The following MUC4 variants were observed in gnomAD, a reference collection of about 807,000 sequenced individuals.
The protein encoded by MUC4 is mucin 4, cell surface associated.
Under a neutral mutation model 257.9 loss-of-function variants are expected in MUC4, and 202 were observed. The ratio of observed to expected loss-of-function variants is 0.78; its 90% CI spans 0.70 to 0.88. The LOEUF is 0.88. Among genes scored for constraint, MUC4 ranks in the 40% least tolerant of loss-of-function variants. The probability of loss-of-function intolerance (pLI) is 0.00; values close to 1 mark genes in which losing one functional copy is unlikely to be tolerated. For synonymous variants in MUC4, 2,351 were observed against 2,757.1 expected (o/e 0.85, Z 4.62); for missense variants, 5,976 against 6,513.7 (o/e 0.92, Z 2.84).
Position 195,747,012 on chromosome 3 carries a change from G to T in MUC4, c.*164C>A. Reference sequence around the variant, plus strand: ...CCTCCCCCTGTGCACCTGCGCCTATGGATAAGGTATAGTCTTGTCTTGATT... The same window carrying T: ...CCTCCCCCTGTGCACCTGCGCCTATTGATAAGGTATAGTCTTGTCTTGATT... On this transcript the variant is annotated 3_prime_UTR_variant, in exon 25 of 25. Transcript: ENST00000463781. The T allele has an allele frequency of 9.7e-7, 1 of 1,030,346 alleles. No homozygotes were observed. Among genetic ancestry groups the T allele is most frequent in the Non-Finnish European group, 1.4e-6 (1 of 706,280 alleles). 63.8% of individuals were successfully genotyped at this position (1,030,346 alleles called of 1,614,324 possible).
At chr3:195,756,355 C>T (rs1481642871) in intron 18 of MUC4, among the ~76,000 whole-genome samples, 2 of 152,238 alleles carry the variant, frequency 1.3e-5, no homozygotes, top group Non-Finnish European at 2.9e-5. Context: ...CCACCTTCCA[C>T]CCCACACCGC....
At chr3:195,806,153 T>A (rs1266247637) in intron 1 of MUC4, among the ~76,000 whole-genome samples, 6 of 152,126 alleles carry the variant, frequency 3.9e-5, no homozygotes, top group African/African-American at 1.4e-4. Context: ...AAATTCATAA[T>A]CTATTCCACA....
At position 195,790,626 on chromosome 3, in the gene MUC4, T is replaced by G; in HGVS notation, c.954A>C (p.Thr318=). The change falls in exon 2 of 25, where the codon ACA becomes ACC. Residue 318 remains threonine, a synonymous_variant. Coordinates refer to ENST00000463781, the MANE Select transcript of MUC4 (RefSeq NM_018406.7). Reference sequence around the variant, plus strand: ...TCTGGTGGTTCTTAGAAAAAGCTGTTGTGTCCTGAGTAGAAGTCCTTGAGA... The same window carrying G: ...TCTGGTGGTTCTTAGAAAAAGCTGTGGTGTCCTGAGTAGAAGTCCTTGAGA... ...ATFSRTSTQD[T]TAFSKNHQTQ... is the part of the protein sequence containing the mutation. 1 of 1,614,000 alleles carries G rather than the reference T, an allele frequency of 6.2e-7. No individual in the cohort carries two copies. Among genetic ancestry groups the G allele is most frequent in the Non-Finnish European group, 8.5e-7 (1 of 1,179,898 alleles).
rs372786923 is a variant in MUC4 at position 195,774,281 on chromosome 3, G to A, written c.12968C>T (p.Ala4323Val). ...GACGAACTCCAGGTCCCCGGCGCCT[G>A]CCCCATAGGGGAAGAGGGAAACTCC... is the stretch of plus-strand genomic sequence containing the variant. ...ERGVSLFPYG[A>V]GAGDLEFVRR... Residue 4323 changes from alanine (A) to valine (V), a missense_variant, in exon 4 of 25, where the codon GCA (alanine) becomes GTA (valine). Physicochemically the swap from Ala to Val is moderately conservative, Grantham distance 64. This residue lies in a region of MUC4 where 233 missense variants were observed against 171.2 expected (regional missense o/e 1.36). Transcript: ENST00000463781. 5 of 1,574,552 alleles carry A rather than the reference G, an allele frequency of 3.2e-6. No homozygotes were observed. The highest frequency in any genetic ancestry group is 3.4e-6 in the Non-Finnish European group (4 of 1,162,610).
In MUC4 at chr3:195,761,530, A is replaced by G. The variant is rs1021878534; in HGVS notation, c.14568T>C (p.Ile4856=). ...DDFRMPNGST[I]PPGSPEEMLF... ...GCATCTCCTCAGGGCTCCCTGGGGG[A>G]ATGGTGGAGCCATTGGGCATCCTGA... The change falls in exon 15 of 25, where the codon ATT becomes ATC. Residue 4856 remains isoleucine (I), a synonymous_variant. Transcript: ENST00000463781. 5.6e-6 allele frequency: 9 copies of G among 1,613,856 alleles called. No individual in the cohort carries two copies. The highest frequency in any genetic ancestry group is 4.5e-5 in the East Asian group (2 of 44,868).
chr3:195,800,890 GAAA>G (rs59625247), intron 1 of MUC4, among the ~76,000 whole-genome samples: 2 of 91,326 alleles, frequency 2.2e-5, no homozygotes. Flanking sequence ...CCCCTTCTCT[GAAA>G]AAAAAAAAAA....
chr3:195,787,921 G>T lies in MUC4; in HGVS notation c.3659C>A (p.Thr1220Asn). 1.0e-5 allele frequency: 10 copies of T among 956,752 alleles called. No individual in the cohort carries two copies. The highest frequency in any genetic ancestry group is 1.3e-5 in the Non-Finnish European group (9 of 689,740). The allele number at this position is 956,752 out of a possible 1,614,324, so 59.3% of individuals were successfully genotyped here. Residue 1220 changes from threonine to asparagine, a missense_variant, in exon 2 of 25, where the codon ACC (threonine) becomes AAC (asparagine). Around this residue, in one of 44 missense-constraint regions of MUC4, gnomAD observed 90 missense variants for 106.2 expected, o/e 0.85. Coordinates refer to ENST00000463781, the MANE Select transcript of MUC4 (RefSeq NM_018406.7). The stretch of plus-strand genomic sequence containing the variant: ...ATCTGTGGACACTGAGGAAGCGTCG[G>T]TGACAGGAAGAGGGGTGGCGTGTCC... ...STGHATPLPV[T>N]DASSVSTDHA...
Position 195,788,874 on chromosome 3 carries a change from G to T in MUC4, c.2706C>A (p.Ala902=), listed in dbSNP as rs367552105. 6.2e-7 allele frequency: 1 copy of T among 1,613,704 alleles called. No individual in the cohort carries two copies. The highest frequency in any genetic ancestry group is 1.3e-5 in the African/African-American group (1 of 74,876). Residue 902 remains alanine, a synonymous_variant, in exon 2 of 25, where the codon GCC becomes GCA. Coordinates refer to ENST00000463781, the MANE Select transcript of MUC4 (RefSeq NM_018406.7). ...TSPSASPQET[A]AISRMAQTQR... ...GAGTCTGGGCCATCCGGGAAATGGC[G>T]GCTGTCTCCTGAGGAGAGGCACTGG... is the stretch of plus-strand genomic sequence containing the variant.
chr3:195,759,788 G>A (rs1718393208), intron 16 of MUC4, among the ~76,000 whole-genome samples: 1 of 152,170 alleles, frequency 6.6e-6, no homozygotes. Flanking sequence ...GCATGGTGGC[G>A]GGTGCCTGTA....
chr3:195,767,915 G>GCCACCACCATCGCCACCA (rs71180959), intron 7 of MUC4, among the ~76,000 whole-genome samples: 1 of 110,954 alleles, frequency 9.0e-6, no homozygotes, highest in African/African-American at 3.7e-5. Flanking sequence ...CATCACCATC[G>GCCACCACCATCGCCACCA]CCACTGCCAC....
rs564229296 is a variant in MUC4, at chr3:195,752,871, G to A, written c.15508+180C>T. On this transcript the variant is annotated intron_variant, in intron 20 of 24. Coordinates refer to ENST00000463781, the MANE Select transcript of MUC4 (RefSeq NM_018406.7). ...GCCACACAGGCCCGTGGTCCTTGCC[G>A]TGACAGCTTGCCTCGCCAGCTCCCA... is the stretch of plus-strand genomic sequence containing the variant. Among the ~76,000 whole-genome samples, 391 of 152,258 alleles carry A rather than the reference G, an allele frequency of 2.6e-3. 2 individuals carry two copies. The highest frequency in any genetic ancestry group is 8.6e-3 in the African/African-American group (357 of 41,546).
intron 3 of MUC4, among the ~76,000 whole-genome samples, chr3:195,775,890 C>T (rs868474967): frequency 1.2e-3 from 76 of 63,866 alleles, no homozygotes; most frequent in Admixed American, 1.4e-3. Flanking sequence ...CCTTCCACAC[C>T]CATACCTTCC....
rs1454676440 is a variant in MUC4, at chr3:195,784,211, C to A, written c.7369G>T (p.Ala2457Ser). ...AGAGGGGTGGTGTCACCTGTGGATGCTGAGGAAGTGCTGGTGACAGGAAGA... is the reference window on the plus strand; with the variant it reads ...AGAGGGGTGGTGTCACCTGTGGATGATGAGGAAGTGCTGGTGACAGGAAGA... Reference protein sequence around the residue: ...TPLPVTSTSSASTGDTTPLPG... With the variant: ...TPLPVTSTSSSSTGDTTPLPG... The change falls in exon 2 of 25, where the codon GCA becomes TCA. Residue 2457 changes from alanine (A) to serine (S), a missense_variant. Transcript: ENST00000463781. The A allele has an allele frequency of 6.7e-7, 1 of 1,496,946 alleles. No individual in the cohort carries two copies. Among genetic ancestry groups the A allele is most frequent in the Non-Finnish European group, 9.0e-7 (1 of 1,111,466 alleles). 92.7% of individuals were successfully genotyped at this position (1,496,946 alleles called of 1,614,324 possible). A position where few individuals can be genotyped will look rare whatever the true frequency, so the allele number is the denominator to read the frequency against.
chr3:195,778,955 G>A lies in MUC4; in HGVS notation c.12625C>T (p.Leu4209Phe), dbSNP rs1431589968. Residue 4209 changes from leucine to phenylalanine, a missense_variant, in exon 2 of 25, where the codon CTT becomes TTT. Physicochemically the swap from Leu to Phe is conservative, Grantham distance 22 (BLOSUM62 0). Transcript: ENST00000463781. ...GCTGAGGAAGTGTCGGTGACAGGAA[G>A]AGGGGTGGCGTGACCTGTGGATGCT... is the stretch of plus-strand genomic sequence containing the variant. Reference protein sequence around the residue: ...SSASTGHATPLPVTDTSSAST... With the variant: ...SSASTGHATPFPVTDTSSAST... The A allele has an allele frequency of 1.5e-6, 2 of 1,361,550 alleles. No individual in the cohort carries two copies. The highest frequency in any genetic ancestry group is 2.3e-4 in the Middle Eastern group (1 of 4,436). The allele number at this position is 1,361,550 out of a possible 1,614,324, so 84.3% of individuals were successfully genotyped here. A position where few individuals can be genotyped will look rare whatever the true frequency, so the allele number is the denominator to read the frequency against.
intron 23 of MUC4, chr3:195,750,351 G>A (rs909755481): frequency 7.8e-5 from 13 of 167,032 alleles, no homozygotes; most frequent in Admixed American, 6.5e-4. Flanking sequence ...GTGCTGGGGG[G>A]TGTTGAGGCC....
chr3:195,769,199 G>A, intron 6 of MUC4, 47 bp from the exon 7 acceptor site: 1 of 1,607,264 alleles, frequency 6.2e-7, no homozygotes, highest in African/African-American at 1.3e-5. Context: ...GAGAGATCCG[G>A]GGTCTCCTCT....
Position 195,778,880 on chromosome 3 carries a change from A to G in MUC4, c.12700T>C (p.Ser4234Pro). Reference protein sequence around the residue: ...PLPVTSLSSVSTGHATPLAVS... With the variant: ...PLPVTSLSSVPTGHATPLAVS... ...GCAAGAGGGGTGGCGTGACCTGTGG[A>G]TACTGAGGAAAGGCTGGTGACAGGA... Residue 4234 changes from serine (S) to proline (P), a missense_variant, in exon 2 of 25, where the codon TCC becomes CCC. Physicochemically the swap from Ser to Pro is moderately conservative, Grantham distance 74 (BLOSUM62 -1). Coordinates refer to ENST00000463781, the MANE Select transcript of MUC4 (RefSeq NM_018406.7). The G allele has an allele frequency of 1.2e-6, 2 of 1,605,766 alleles. No homozygotes were observed. The highest frequency in any genetic ancestry group is 2.2e-5 in the South Asian group (2 of 89,794).
At position 195,782,978 on chromosome 3, in the gene MUC4, TGACAGGAAGAGAGGTGGC is replaced by T. The variant is rs1729067094; in HGVS notation, c.8584_8601del (p.Ala2862_Val2867del). 1.7e-6 allele frequency: 2 copies of T among 1,176,408 alleles called. No individual in the cohort carries two copies. Among genetic ancestry groups the T allele is most frequent in the African/African-American group, 3.7e-5 (2 of 54,740 alleles). The allele number at this position is 1,176,408 out of a possible 1,614,324, so 72.9% of individuals were successfully genotyped here. A position where few individuals can be genotyped will look rare whatever the true frequency, so the allele number is the denominator to read the frequency against. On this transcript the variant is annotated inframe_deletion, in exon 2 of 25. Transcript: ENST00000463781. ...CCTGTGGACACTGAGGAAGCGTCGGTGACAGGAAGAGAGGTGGCGTGACCTGTGGACACTGAGGAAGCG... is the reference window on the plus strand; with the variant it reads ...CCTGTGGACACTGAGGAAGCGTCGGTGTGACCTGTGGACACTGAGGAAGCG...
At position 195,760,790 on chromosome 3, in the gene MUC4, A is replaced by G. The variant is rs538554469; in HGVS notation, c.14848+94T>C. 29 of 1,003,492 alleles carry G rather than the reference A, an allele frequency of 2.9e-5. No individual in the cohort carries two copies. The East Asian group carries it at 6.7e-4, about 23-fold the overall frequency. 62.2% of individuals were successfully genotyped at this position (1,003,492 alleles called of 1,614,324 possible). ...AGGAGTGGAAGAATCTGCTCAGTGAATGCAGATGCACAGGGAAAAGCAGGG... is the reference window on the plus strand; with the variant it reads ...AGGAGTGGAAGAATCTGCTCAGTGAGTGCAGATGCACAGGGAAAAGCAGGG... On this transcript the variant is annotated intron_variant, in intron 16 of 24. Coordinates refer to ENST00000463781, the MANE Select transcript of MUC4 (RefSeq NM_018406.7).
Sources: gnomAD v4.1 joint callset for allele counts (sites outside exome capture counted in the v4.1 genomes callset) on GRCh38, gnomAD v4.1.1 for gene constraint, gnomAD v4.1.1 regional missense constraint, MANE v1.5 for transcripts, NCBI Gene and HGNC (gene_info 2026-07-23, HGNC 2026-07-21) for gene names.